KDM4C: variants seen among roughly 807,000 people sequenced by gnomAD.
KDM4C encodes lysine demethylase 4C.
In KDM4C, 81 loss-of-function variants were observed where a neutral mutation model predicts 129.3. The ratio of observed to expected loss-of-function variants is 0.63; its 90% CI spans 0.52 to 0.75. KDM4C has a LOEUF of 0.75. Among genes scored for constraint, KDM4C ranks in the 30% least tolerant of loss-of-function variants. The pLI is 0.00. For synonymous variants in KDM4C, 573 were observed against 456.1 expected, an observed-to-expected ratio of 1.26 and a Z score of -3.26; for missense variants, 1,457 against 1,304.0, an observed-to-expected ratio of 1.12 and a Z score of -1.81.
At chr9:6,798,791 G>A (rs1309964221) in intron 2 of KDM4C, among the ~76,000 whole-genome samples, 1 of 152,078 alleles carries the variant, frequency 6.6e-6, no homozygotes, top group East Asian at 1.9e-4. Flanking sequence ...GGGCAGAGGG[G>A]CTCCTCACTT....
chr9:6,838,731 G>A (rs960191806), intron 4 of KDM4C, among the ~76,000 whole-genome samples: 2 of 149,328 alleles, frequency 1.3e-5, no homozygotes, highest in African/African-American at 5.0e-5. Context: ...AAATAGTTTT[G>A]TTTTAAAATA....
intron 4 of KDM4C, among the ~76,000 whole-genome samples, chr9:6,831,407 G>A (rs535236968): frequency 1.2e-4 from 18 of 151,182 alleles, no homozygotes; most frequent in African/African-American, 2.4e-4. Context: ...TCACTCTGTC[G>A]GCCAGGCTCA....
intron 19 of KDM4C, among the ~76,000 whole-genome samples, chr9:7,157,680 A>G (rs1843335032): frequency 6.6e-6 from 1 of 152,254 alleles, no homozygotes; most frequent in African/African-American, 2.4e-5. Flanking sequence ...ATGTTGAACC[A>G]GCCTTGCATC....
At chr9:6,938,324 A>G (rs1463677233) in intron 8 of KDM4C, among the ~76,000 whole-genome samples, 1 of 152,116 alleles carries the variant, frequency 6.6e-6, no homozygotes, top group Non-Finnish European at 1.5e-5. Context: ...TTTCCAGGGG[A>G]TGGCTCATGA....
At chr9:6,952,428 T>A (rs1828323228) in intron 8 of KDM4C, among the ~76,000 whole-genome samples, 1 of 145,586 alleles carries the variant, frequency 6.9e-6, no homozygotes, top group Admixed American at 6.8e-5. Context: ...TATATATATA[T>A]ATAATAATAA....
intron 4 of KDM4C, 35 bp downstream of exon 4, chr9:6,814,780 C>T (rs1405308085): frequency 7.6e-7 from 1 of 1,313,886 alleles, no homozygotes; most frequent in Middle Eastern, 2.0e-4. Context: ...TTGTAAAGAT[C>T]ATTGGATGTG....
chr9:6,799,054 G>A (rs1040055463), intron 2 of KDM4C, among the ~76,000 whole-genome samples: 1 of 150,848 alleles, frequency 6.6e-6, no homozygotes, highest in African/African-American at 2.5e-5. Flanking sequence ...GATGGCGGCC[G>A]GGCAGAGACG....
At position 6,891,180 on chromosome 9, in the gene KDM4C, C is replaced by G. The variant is rs567969113; in HGVS notation, c.784-1915C>G. Among the ~76,000 whole-genome samples, 6 of 152,164 alleles carry G rather than the reference C, an allele frequency of 3.9e-5. No homozygotes were observed. In the East Asian group the frequency reaches 1.2e-3, roughly 29 times the overall value. ...TCTAGGTTAGGGATGAGGGAGCGCT[C>G]TTGGGTGATGAAATAATAGGGGCAT... On this transcript the variant is annotated intron_variant, in intron 7 of 21. Coordinates refer to ENST00000381309, the MANE Select transcript of KDM4C (RefSeq NM_015061.6).
chr9:7,149,083 C>T (rs1477656536), intron 19 of KDM4C, among the ~76,000 whole-genome samples: 1 of 152,236 alleles, frequency 6.6e-6, no homozygotes, highest in East Asian at 1.9e-4. Flanking sequence ...CCCAGGTTTT[C>T]TGCACCAAGG....
At chr9:7,023,668 T>G (rs914931355) in intron 15 of KDM4C, among the ~76,000 whole-genome samples, 53 of 152,276 alleles carry the variant, frequency 3.5e-4, no homozygotes, top group Middle Eastern at 6.8e-3. Flanking sequence ...GTTTTTCGTC[T>G]AATTTTGTGT....
intron 17 of KDM4C, among the ~76,000 whole-genome samples, chr9:7,089,272 GTCA>G (rs766458804): frequency 3.2e-4 from 48 of 151,982 alleles, no homozygotes; most frequent in African/African-American, 9.7e-4. Context: ...GTCACTTGAA[GTCA>G]TCATATGTTC....
rs1039990926 is a variant in KDM4C at position 7,128,233 on chromosome 9, C to T, written c.2778C>T (p.Ile926=). 18 of 1,579,476 alleles carry T rather than the reference C, an allele frequency of 1.1e-5. No individual in the cohort carries two copies. Among genetic ancestry groups the T allele is most frequent in the East Asian group, 2.3e-5 (1 of 42,906 alleles). ...GCAGAGACACATTTCCTGAGGATAT[C>T]GTGGTAAGTAGGCTTCCTTGAGTGC... is the stretch of plus-strand genomic sequence containing the variant. ...SFSRDTFPED[I]VSRDCLKLGP... Residue 926 remains isoleucine, a synonymous_variant, in exon 19 of 22, where the codon ATC becomes ATT. Coordinates refer to ENST00000381309, the MANE Select transcript of KDM4C (RefSeq NM_015061.6).
rs202033781 is a variant in KDM4C, at chr9:6,813,197, T to TA, written c.321-1424dup. ...TCAAAACAAAACAGAAGAAAAACAT[T>TA]AAAAAAAAAATTTTTAATTCTTTAG... On this transcript the variant is annotated intron_variant, in intron 3 of 21. Transcript: ENST00000381309. 4.6e-3 allele frequency among the ~76,000 whole-genome samples: 689 copies of TA among 150,566 alleles called. 7 individuals carry two copies. The highest frequency in any genetic ancestry group is 0.014 in the African/African-American group (583 of 41,026).
At chr9:7,127,375 A>G (rs76334497) in intron 18 of KDM4C, among the ~76,000 whole-genome samples, 4,251 of 152,294 alleles carry the variant, frequency 0.028, 174 homozygotes, top group African/African-American at 0.096. Context: ...AGCAAACATC[A>G]TGTGCCTTCA....
At chr9:6,986,883 T>G in intron 11 of KDM4C, 1 of 456,054 alleles carries the variant, frequency 2.2e-6, no homozygotes, top group Non-Finnish European at 3.9e-6. Context: ...TATGGCCACG[T>G]GTCGATGCTT....
intron 17 of KDM4C, 133 bp downstream of exon 17, chr9:7,049,333 T>G (rs753131658): frequency 9.9e-5 from 49 of 492,932 alleles, no homozygotes; most frequent in Non-Finnish European, 1.7e-4. Flanking sequence ...TTATTTTCCT[T>G]TAGCCTAAAT....
chr9:7,149,470 C>G (rs56754948), intron 19 of KDM4C, among the ~76,000 whole-genome samples: 1 of 152,214 alleles, frequency 6.6e-6, no homozygotes, highest in African/African-American at 2.4e-5. Flanking sequence ...CATGGGCTCC[C>G]GCCCTGCCAG....
At chr9:6,842,492 G>A (rs917534526) in intron 4 of KDM4C, among the ~76,000 whole-genome samples, 8 of 151,214 alleles carry the variant, frequency 5.3e-5, no homozygotes, top group African/African-American at 1.2e-4. Context: ...ACACCACCAC[G>A]CCTGGCTAAT....
chr9:7,120,648 A>G (rs1311048496), intron 18 of KDM4C, among the ~76,000 whole-genome samples: 5 of 152,198 alleles, frequency 3.3e-5, no homozygotes. Context: ...AAAAACAGTA[A>G]AAGTGCAATT....
Sources: gnomAD v4.1 joint callset for allele counts (sites outside exome capture counted in the v4.1 genomes callset) on GRCh38, gnomAD v4.1.1 for gene constraint, MANE v1.5 for transcripts, NCBI Gene and HGNC (gene_info 2026-07-23, HGNC 2026-07-21) for gene names.